Variants in DLG2 observed in about 807,000 individuals in gnomAD.
DLG2 encodes discs large MAGUK scaffold protein 2.
DLG2 carries 45 observed loss-of-function variants against 132.5 expected under a neutral mutation model. The ratio of observed to expected loss-of-function variants is 0.34; its 90% CI spans 0.27 to 0.44. The LOEUF is 0.44. DLG2 is among the 20% of genes least tolerant of loss of function. The pLI is 1.00. For synonymous variants in DLG2, 424 were observed against 419.6 expected, an observed-to-expected ratio of 1.01 and a Z score of -0.13; for missense variants, 1,045 against 1,196.9, an observed-to-expected ratio of 0.87 and a Z score of 1.87.
At chr11:83,930,518 G>A (rs2079964837) in intron 14 of DLG2, 35 bp from the exon 15 acceptor site, 3 of 1,605,708 alleles carry the variant, frequency 1.9e-6, no homozygotes, top group Non-Finnish European at 2.6e-6. Flanking sequence ...GATATGCATG[G>A]TTAGTACATA....
Position 83,826,959 on chromosome 11 carries a change from A to C in DLG2, c.1722+6655T>G, listed in dbSNP as rs2053000328. On this transcript the variant is annotated intron_variant, in intron 17 of 27. Transcript: ENST00000376104. The stretch of plus-strand genomic sequence containing the variant: ...ACTGCATAGGCCCCAGATCCTCTTT[A>C]GTATTTCAGAGCGTGCTTGTTTCAG... 2.0e-5 allele frequency among the ~76,000 whole-genome samples: 3 copies of C among 152,264 alleles called. 1 individual carries two copies. The highest frequency in any genetic ancestry group is 4.1e-4 in the South Asian group (2 of 4,828).
chr11:83,933,688 G>A (rs1211237192), intron 14 of DLG2, among the ~76,000 whole-genome samples: 1 of 151,980 alleles, frequency 6.6e-6, no homozygotes, highest in Non-Finnish European at 1.5e-5. Context: ...AAACTACTTT[G>A]CCTATAACTG....
chr11:84,074,073 G>A (rs1412417593), intron 10 of DLG2, among the ~76,000 whole-genome samples: 1 of 152,158 alleles, frequency 6.6e-6, no homozygotes, highest in East Asian at 1.9e-4. Flanking sequence ...TTACAGGGAA[G>A]TAATTTTCAG....
At chr11:85,234,701 C>G (rs1054515011) in intron 4 of DLG2, among the ~76,000 whole-genome samples, 5 of 151,906 alleles carry the variant, frequency 3.3e-5, no homozygotes, top group Admixed American at 6.6e-5. Context: ...CACCATAACA[C>G]CTTGGGTTAA....
In DLG2 at chr11:84,730,248, T is replaced by C. The variant is rs539298770; in HGVS notation, c.358-195517A>G. ...GTTAGTTACTTAATCTGAAAGTTAA[T>C]TTTCTTAAGTACAAAAAAAGGGGAG... On this transcript the variant is annotated intron_variant, in intron 6 of 27. Coordinates refer to ENST00000376104, the MANE Select transcript of DLG2 (RefSeq NM_001142699.3). Among the ~76,000 whole-genome samples, 3 of 152,124 alleles carry C rather than the reference T, an allele frequency of 2.0e-5. No homozygotes were observed. The East Asian group carries it at 5.8e-4, about 29-fold the overall frequency.
chr11:83,742,750 AT>A (rs1287986942), intron 18 of DLG2, among the ~76,000 whole-genome samples: 5 of 152,136 alleles, frequency 3.3e-5, no homozygotes, highest in African/African-American at 1.2e-4. Context: ...CCTGGTCCAT[AT>A]TGTCATTTTT....
At chr11:84,637,548 G>A (rs574185743) in intron 6 of DLG2, among the ~76,000 whole-genome samples, 1 of 152,296 alleles carries the variant, frequency 6.6e-6, no homozygotes, top group East Asian at 1.9e-4. Flanking sequence ...TTAAGTAGCA[G>A]GACAAACTAT....
chr11:84,964,371 T>G (rs10501582), intron 6 of DLG2, among the ~76,000 whole-genome samples: 2,990 of 152,228 alleles, frequency 0.02, 53 homozygotes, highest in Admixed American at 0.042. Context: ...TTTTTGAAAT[T>G]TAATTCTGCC....
At chr11:85,000,578 AT>A (rs1258166824) in intron 6 of DLG2, among the ~76,000 whole-genome samples, 1 of 152,136 alleles carries the variant, frequency 6.6e-6, no homozygotes, top group Admixed American at 6.6e-5. Context: ...TGTGAATACC[AT>A]TTTTTAGGAT....
At chr11:85,068,055 T>C (rs1416788879) in intron 6 of DLG2, among the ~76,000 whole-genome samples, 1 of 152,076 alleles carries the variant, frequency 6.6e-6, no homozygotes, top group Non-Finnish European at 1.5e-5. Context: ...AAAAACCTCA[T>C]GATTATCTCA....
At chr11:83,578,061 C>CATATATATATGTATACACATATAT (rs2096911002) in intron 19 of DLG2, among the ~76,000 whole-genome samples, 2 of 94,792 alleles carry the variant, frequency 2.1e-5, no homozygotes, top group African/African-American at 4.6e-5. Flanking sequence ...TGTGTGTATA[C>CATATATATATGTATACACATATAT]ATATATATAT....
chr11:84,186,656 A>T (rs902259119), intron 8 of DLG2, among the ~76,000 whole-genome samples: 1 of 151,950 alleles, frequency 6.6e-6, no homozygotes, highest in South Asian at 2.1e-4. Context: ...TTAGTATATG[A>T]TCCGTCTCTG....
intron 3 of DLG2, among the ~76,000 whole-genome samples, chr11:85,499,172 TA>T: frequency 6.6e-6 from 1 of 151,714 alleles, no homozygotes; most frequent in East Asian, 1.9e-4. Context: ...CTGGTTTTTT[TA>T]AAAGATAAAC....
chr11:83,598,938 G>A (rs2058075712), intron 19 of DLG2, among the ~76,000 whole-genome samples: 1 of 152,086 alleles, frequency 6.6e-6, no homozygotes, highest in African/African-American at 2.4e-5. Context: ...TAAATCCTGC[G>A]GCCTTACCTC....
At chr11:85,183,846 T>C (rs559742169) in intron 4 of DLG2, among the ~76,000 whole-genome samples, 1 of 152,090 alleles carries the variant, frequency 6.6e-6, no homozygotes, top group South Asian at 2.1e-4. Context: ...TCTTTCTCAC[T>C]GACCCTCAAT....
intron 6 of DLG2, among the ~76,000 whole-genome samples, chr11:84,622,605 A>G (rs2099615895): frequency 6.6e-6 from 1 of 152,166 alleles, no homozygotes; most frequent in Admixed American, 6.5e-5. Flanking sequence ...AGGGGAGAAC[A>G]TTGCCAGGGA....
chr11:84,090,027 A>G (rs936214658), intron 10 of DLG2, among the ~76,000 whole-genome samples: 3 of 152,218 alleles, frequency 2.0e-5, no homozygotes, highest in African/African-American at 7.2e-5. Context: ...TTCAAATACA[A>G]GTGAAGAAAT....
chr11:85,439,399 G>A (rs941746117), intron 3 of DLG2, among the ~76,000 whole-genome samples: 6 of 143,662 alleles, frequency 4.2e-5, no homozygotes, highest in Admixed American at 7.3e-5. Context: ...TCGCTCTGTC[G>A]CCCAGGCTGC....
intron 11 of DLG2, among the ~76,000 whole-genome samples, chr11:83,991,077 A>C (rs933693952): frequency 1.3e-5 from 2 of 152,210 alleles, no homozygotes; most frequent in African/African-American, 2.4e-5. Context: ...ATTTTGCTTT[A>C]ACAAATACCA....
Sources: gnomAD v4.1 joint callset for allele counts (sites outside exome capture counted in the v4.1 genomes callset) on GRCh38, gnomAD v4.1.1 for gene constraint, MANE v1.5 for transcripts, NCBI Gene and HGNC (gene_info 2026-07-23, HGNC 2026-07-21) for gene names.